The following GRHL2 variants were observed in gnomAD, a reference collection of about 807,000 sequenced individuals.
GRHL2 encodes grainyhead like transcription factor 2.
In GRHL2, 21 loss-of-function variants were observed where a neutral mutation model predicts 83.8. The observed-to-expected ratio is 0.25, with a 90% CI of 0.18 to 0.36. The LOEUF (loss-of-function observed/expected upper bound fraction) is 0.36. GRHL2 is among the 10% of genes least tolerant of loss of function. The pLI, the probability that GRHL2 is intolerant of heterozygous loss-of-function variation, is 1.00. For synonymous variants in GRHL2, 280 were observed against 278.9 expected (o/e 1.00, Z -0.04); for missense variants, 623 against 781.8 (o/e 0.80, Z 2.42).
chr8:101,677,714 A>C, the GRHL2 span, among the ~76,000 whole-genome samples: 96 of 152,044 alleles, frequency 6.3e-4, no homozygotes, highest in Non-Finnish European at 1.2e-3. Context: ...GTGTTAGAAA[A>C]AAAGTCATGA....
In GRHL2 at chr8:101,562,441, G is replaced by A. The variant is rs1811626723; in HGVS notation, c.678+3629G>A. 6.4e-6 allele frequency: 3 copies of A among 468,484 alleles called. No homozygotes were observed. In the East Asian group the frequency reaches 1.3e-4, roughly 21 times the overall value. 29.0% of individuals were successfully genotyped at this position (468,484 alleles called of 1,614,324 possible). A position where few individuals can be genotyped will look rare whatever the true frequency, so the allele number is the denominator to read the frequency against. ...TATTGTGGACAAACGTCATGCCGTGGCCAGGGTAGATGGGCCCTGAACAAA... is the reference window on the plus strand; with the variant it reads ...TATTGTGGACAAACGTCATGCCGTGACCAGGGTAGATGGGCCCTGAACAAA... On this transcript the variant is annotated intron_variant, in intron 4 of 15. Coordinates refer to ENST00000646743, the MANE Select transcript of GRHL2 (RefSeq NM_024915.4).
At chr8:101,585,924 T>C (rs1427869373) in intron 7 of GRHL2, among the ~76,000 whole-genome samples, 1 of 152,036 alleles carries the variant, frequency 6.6e-6, no homozygotes, top group Non-Finnish European at 1.5e-5. Flanking sequence ...CCGCTGTGTG[T>C]GTGATGGGGG....
intron 1 of GRHL2, among the ~76,000 whole-genome samples, chr8:101,522,158 A>T (rs549208138): frequency 2.0e-5 from 3 of 152,212 alleles, no homozygotes; most frequent in Admixed American, 1.3e-4. Flanking sequence ...CAAGTGTGTG[A>T]TGTTCCCCTT....
At chr8:101,599,348 C>T (rs113486058) in intron 8 of GRHL2, among the ~76,000 whole-genome samples, 197 bp downstream of exon 8, 4 of 152,154 alleles carry the variant, frequency 2.6e-5, no homozygotes, top group Admixed American at 1.3e-4. Flanking sequence ...AGCCAAGCTG[C>T]GTGTCCCACC....
In GRHL2 at chr8:101,664,475, C is replaced by T; in HGVS notation, c.1720C>T (p.Pro574Ser). Residue 574 changes from proline (P) to serine (S), a missense_variant, in exon 15 of 16, where the codon CCC becomes TCC. Pro to Ser is a moderately conservative substitution (Grantham distance 74, BLOSUM62 -1). Coordinates refer to ENST00000646743, the MANE Select transcript of GRHL2 (RefSeq NM_024915.4). Reference sequence around the variant, plus strand: ...ACAGATATCTGAGAAATATGGGCTGCCCGTGGAGAAGATAGCAAAGCTTTA... The same window carrying T: ...ACAGATATCTGAGAAATATGGGCTGTCCGTGGAGAAGATAGCAAAGCTTTA... ...MEAISEKYGL[P>S]VEKIAKLYKK... 6.2e-7 allele frequency: 1 copy of T among 1,613,498 alleles called. No homozygotes were observed. The highest frequency in any genetic ancestry group is 8.5e-7 in the Non-Finnish European group (1 of 1,179,574).
chr8:101,509,878 G>A (rs1327637208), intron 1 of GRHL2, among the ~76,000 whole-genome samples: 1 of 152,022 alleles, frequency 6.6e-6, no homozygotes, highest in Non-Finnish European at 1.5e-5. Context: ...GCTTGATTAG[G>A]AAGTCAACCA....
chr8:101,650,320 C>T (rs1217245283), intron 14 of GRHL2, among the ~76,000 whole-genome samples: 1 of 152,098 alleles, frequency 6.6e-6, no homozygotes, highest in Non-Finnish European at 1.5e-5. Context: ...CTTTTTTGAG[C>T]TTCCTTTGTG....
At chr8:101,514,829 G>A (rs1471599938) in intron 1 of GRHL2, among the ~76,000 whole-genome samples, 2 of 152,098 alleles carry the variant, frequency 1.3e-5, no homozygotes, top group African/African-American at 4.8e-5. Flanking sequence ...CAACCTTTAA[G>A]TTCCACTTCC....
chr8:101,493,935 G>A (rs1299556706), intron 1 of GRHL2, among the ~76,000 whole-genome samples: 4 of 152,130 alleles, frequency 2.6e-5, no homozygotes, highest in Non-Finnish European at 5.9e-5. Flanking sequence ...CTGGGCGGGC[G>A]CGGGAGGGAG....
intron 4 of GRHL2, among the ~76,000 whole-genome samples, chr8:101,569,000 A>G (rs761700406): frequency 1.4e-4 from 22 of 152,232 alleles, no homozygotes; most frequent in Non-Finnish European, 1.3e-4. Context: ...AGCTGTGGTA[A>G]CATTTTTCCT....
At chr8:101,561,502 C>G (rs1811607949) in intron 4 of GRHL2, among the ~76,000 whole-genome samples, 1 of 152,174 alleles carries the variant, frequency 6.6e-6, no homozygotes, top group African/African-American at 2.4e-5. Context: ...CTTCATCAAA[C>G]AATGTCATTA....
chr8:101,645,483 T>C (rs1189575578), intron 13 of GRHL2, among the ~76,000 whole-genome samples: 2 of 152,184 alleles, frequency 1.3e-5, no homozygotes, highest in African/African-American at 4.8e-5. Flanking sequence ...TGAGAAATTT[T>C]ATTTTTTTCC....
chr8:101,620,697 G>A (rs1812947828), intron 9 of GRHL2, among the ~76,000 whole-genome samples: 1 of 152,124 alleles, frequency 6.6e-6, no homozygotes, highest in South Asian at 2.1e-4. Flanking sequence ...AAGTAATGGG[G>A]CCACCTGATA....
intron 1 of GRHL2, among the ~76,000 whole-genome samples, chr8:101,522,350 TGTATTAG>T (rs1810702721): frequency 6.6e-6 from 1 of 152,184 alleles, no homozygotes; most frequent in Non-Finnish European, 1.5e-5. Flanking sequence ...GCATTTACAT[TGTATTAG>T]GTATTATAAG....
At chr8:101,539,466 G>A (rs535910279) in intron 1 of GRHL2, among the ~76,000 whole-genome samples, 1 of 152,078 alleles carries the variant, frequency 6.6e-6, no homozygotes, top group Non-Finnish European at 1.5e-5. Flanking sequence ...AATCAATCGT[G>A]GGGGGCCGGT....
downstream of GRHL2, among the ~76,000 whole-genome samples, chr8:101,674,093 C>A (rs1272963787): frequency 6.6e-6 from 1 of 151,854 alleles, no homozygotes; most frequent in African/African-American, 2.4e-5. Context: ...TAAATGCCCA[C>A]AAGAGAAAGC....
At chr8:101,538,030 G>C (rs56318822) in intron 1 of GRHL2, among the ~76,000 whole-genome samples, 1 of 152,116 alleles carries the variant, frequency 6.6e-6, no homozygotes, top group Admixed American at 6.5e-5. Context: ...GCCCTGACCC[G>C]GAAGCAGATC....
intron 1 of GRHL2, among the ~76,000 whole-genome samples, chr8:101,508,784 G>A (rs1810390506): frequency 1.3e-5 from 2 of 152,106 alleles, no homozygotes; most frequent in African/African-American, 2.4e-5. Flanking sequence ...GATTTATAGA[G>A]TGCCTATAGC....
chr8:101,652,430 GTGTGTC>G (rs1343037831), intron 14 of GRHL2, among the ~76,000 whole-genome samples: 9 of 73,492 alleles, frequency 1.2e-4, no homozygotes, highest in Non-Finnish European at 1.8e-4. Context: ...TGTGTGGTGT[GTGTGTC>G]TGGTGTGTGT....
Sources: gnomAD v4.1 joint callset for allele counts (sites outside exome capture counted in the v4.1 genomes callset) on GRCh38, gnomAD v4.1.1 for gene constraint, MANE v1.5 for transcripts, NCBI Gene and HGNC (gene_info 2026-07-23, HGNC 2026-07-21) for gene names.